The following PXYLP1 variants were observed in gnomAD, a reference collection of about 807,000 sequenced individuals.
The protein encoded by PXYLP1 is 2-phosphoxylose phosphatase 1.
In PXYLP1, 17 loss-of-function variants were observed where a neutral mutation model predicts 37.9. That is an observed-to-expected ratio of 0.45 (90% CI 0.31 to 0.67). The LOEUF is 0.67. Ranked by LOEUF, PXYLP1 falls within the 30% of genes least tolerant of loss-of-function variation. PXYLP1 has a pLI of 0.07. For synonymous variants in PXYLP1, 221 were observed against 232.2 expected (o/e 0.95, Z 0.44); for missense variants, 511 against 612.0 (o/e 0.84, Z 1.74).
At chr3:141,270,256 G>GCAGATT (rs764834253) in intron 2 of PXYLP1, among the ~76,000 whole-genome samples, 46 of 152,378 alleles carry the variant, frequency 3.0e-4, no homozygotes, top group Non-Finnish European at 5.1e-4. Flanking sequence ...AATGGCAAGA[G>GCAGATT]CAGATTCAAC....
At chr3:141,245,257 T>C (rs1940910075) in intron 1 of PXYLP1, among the ~76,000 whole-genome samples, 1 of 151,954 alleles carries the variant, frequency 6.6e-6, no homozygotes, top group Non-Finnish European at 1.5e-5. Flanking sequence ...CTACTAAATA[T>C]AGCTTTGTCA....
chr3:141,256,211 C>T (rs944587817), intron 1 of PXYLP1, among the ~76,000 whole-genome samples: 4 of 152,166 alleles, frequency 2.6e-5, no homozygotes, highest in East Asian at 1.9e-4. Context: ...TCTGCTCGAC[C>T]GCAGGGCTCT....
At chr3:141,240,027 G>A (rs1003640603) in intron 1 of PXYLP1, among the ~76,000 whole-genome samples, 2 of 152,252 alleles carry the variant, frequency 1.3e-5, no homozygotes, top group African/African-American at 4.8e-5. Flanking sequence ...CTGGCTTAGT[G>A]GCTTAAGTAA....
At chr3:141,234,703 T>C (rs1265460367) in intron 1 of PXYLP1, among the ~76,000 whole-genome samples, 1 of 152,156 alleles carries the variant, frequency 6.6e-6, no homozygotes, top group African/African-American at 2.4e-5. Context: ...TGTGCCTCTG[T>C]CAAAGGCCAC....
At chr3:141,284,601 T>A (rs529911765) in intron 4 of PXYLP1, among the ~76,000 whole-genome samples, 55 of 152,350 alleles carry the variant, frequency 3.6e-4, no homozygotes, top group African/African-American at 1.3e-3. Flanking sequence ...AAGTCCCTTA[T>A]GTAAAATGGT....
rs1941861593 is a variant in PXYLP1 at position 141,278,519 on chromosome 3, C to G, written c.238+19C>G. 4 of 1,613,556 alleles carry G rather than the reference C, an allele frequency of 2.5e-6. No individual in the cohort carries two copies. The highest frequency in any genetic ancestry group is 3.4e-6 in the Non-Finnish European group (4 of 1,179,602). On this transcript the variant is annotated intron_variant, in intron 3 of 5. Transcript: ENST00000286353. ...ATGGAAGGTAGGCCTGACTGTGCCACCAGGACAGATACCCCTTTGGGGACT... is the reference window on the plus strand; with the variant it reads ...ATGGAAGGTAGGCCTGACTGTGCCAGCAGGACAGATACCCCTTTGGGGACT...
intron 1 of PXYLP1, among the ~76,000 whole-genome samples, chr3:141,237,866 T>G (rs750344501): frequency 6.6e-6 from 1 of 152,202 alleles, no homozygotes; most frequent in Non-Finnish European, 1.5e-5. Context: ...CCTTGCCAGC[T>G]CTTTGAAACA....
At chr3:141,268,976 C>T (rs1941598839) in intron 2 of PXYLP1, among the ~76,000 whole-genome samples, 1 of 152,250 alleles carries the variant, frequency 6.6e-6, no homozygotes, top group Non-Finnish European at 1.5e-5. Context: ...GGCCAGGGGT[C>T]TGCCCGTCCA....
At chr3:141,272,325 A>T (rs1044463812) in intron 2 of PXYLP1, among the ~76,000 whole-genome samples, 1 of 152,150 alleles carries the variant, frequency 6.6e-6, no homozygotes, top group Non-Finnish European at 1.5e-5. Context: ...TGGCCTAGCA[A>T]CCTGTGCTGT....
intron 1 of PXYLP1, 76 bp from the exon 2 acceptor site, chr3:141,260,045 CAA>C: frequency 2.0e-6 from 2 of 997,290 alleles, no homozygotes; most frequent in South Asian, 3.1e-5. Flanking sequence ...TATCAGTTGA[CAA>C]GTTTGGTTAT....
chr3:141,250,095 G>T (rs553386448), intron 1 of PXYLP1, among the ~76,000 whole-genome samples: 19 of 152,194 alleles, frequency 1.2e-4, no homozygotes, highest in African/African-American at 4.6e-4. Context: ...GGAAAGAAAT[G>T]GTAGCTAAAT....
chr3:141,273,990 C>T, intron 2 of PXYLP1: 3 of 985,890 alleles, frequency 3.0e-6, no homozygotes, highest in Non-Finnish European at 3.6e-6. Flanking sequence ...GCCCACTATT[C>T]TTTCTGATGC....
chr3:141,253,967 A>T (rs1941201969), intron 1 of PXYLP1, among the ~76,000 whole-genome samples: 1 of 151,852 alleles, frequency 6.6e-6, no homozygotes, highest in Non-Finnish European at 1.5e-5. Flanking sequence ...GCTGGAACGC[A>T]GTGGCGCAAT....
chr3:141,276,250 G>A (rs1941792052), intron 2 of PXYLP1, among the ~76,000 whole-genome samples: 1 of 152,218 alleles, frequency 6.6e-6, no homozygotes, highest in African/African-American at 2.4e-5. Flanking sequence ...GTATATGTGT[G>A]TGCGAATATA....
chr3:141,285,362 A>G (rs1455595484), intron 4 of PXYLP1, among the ~76,000 whole-genome samples: 2 of 151,508 alleles, frequency 1.3e-5, no homozygotes, highest in Non-Finnish European at 2.9e-5. Flanking sequence ...GGCCAGTCTC[A>G]AACTCCTGGC....
At position 141,292,486 on chromosome 3, in the gene PXYLP1, T is replaced by C. The variant is rs1942244691; in HGVS notation, c.724T>C (p.Ser242Pro). ...FRHQPSALFC[S>P]GSCYCPVRNQ... is the part of the protein sequence containing the mutation. ...GCACCAGCCAAGTGCGCTGTTCTGC[T>C]CTGGAAGCTGCTATTGCCCGGTAAG... The change falls in exon 6 of 6, where the codon TCT becomes CCT. Residue 242 changes from serine (S) to proline (P), a missense_variant. Transcript: ENST00000286353. This position sits in a 1 kb window ranked among gnomAD's most constrained non-coding sequence, Gnocchi z 4.3. The C allele has an allele frequency of 6.2e-7, 1 of 1,614,102 alleles. No homozygotes were observed. The highest frequency in any genetic ancestry group is 8.5e-7 in the Non-Finnish European group (1 of 1,180,060).
chr3:141,268,331 C>T (rs977105508), intron 2 of PXYLP1, among the ~76,000 whole-genome samples: 1 of 151,936 alleles, frequency 6.6e-6, no homozygotes, highest in Non-Finnish European at 1.5e-5. Context: ...AGGAAAGTGC[C>T]TGGAGATCTC....
chr3:141,272,103 G>A (rs1941677988), intron 2 of PXYLP1, among the ~76,000 whole-genome samples: 3 of 152,310 alleles, frequency 2.0e-5, no homozygotes, highest in Non-Finnish European at 4.4e-5. Context: ...CTATCCCAGG[G>A]CCTTGGTATA....
chr3:141,248,899 AGT>A lies in PXYLP1; in HGVS notation c.-53-11203_-53-11202del, dbSNP rs59309377. ...TATATATGGAGAGAGAGACAGAGTG[AGT>A]GTGTGTGTGTGTGTGTGTGTTTTGA... On this transcript the variant is annotated intron_variant, in intron 1 of 5. Coordinates refer to ENST00000286353, the MANE Select transcript of PXYLP1 (RefSeq NM_001037172.3). Among the ~76,000 whole-genome samples the A allele has an allele frequency of 2.0e-4, 20 of 99,686 alleles. 3 individuals carry two copies. Among genetic ancestry groups the A allele is most frequent in the South Asian group, 2.4e-4 (1 of 4,168 alleles). 65.4% of individuals were successfully genotyped at this position (99,686 alleles called of 152,430 possible). A position where few individuals can be genotyped will look rare whatever the true frequency, so the allele number is the denominator to read the frequency against.
Sources: allele counts gnomAD v4.1 joint callset (sites outside exome capture counted in the v4.1 genomes callset), GRCh38; gene constraint gnomAD v4.1.1; non-coding constraint Gnocchi (gnomAD v3.1); transcripts MANE v1.5; gene names NCBI Gene and HGNC (gene_info 2026-07-23, HGNC 2026-07-21).